ADAMTS3: variants seen among roughly 807,000 people sequenced by gnomAD.
The protein encoded by ADAMTS3 is ADAM metallopeptidase with thrombospondin type 1 motif 3.
Under a neutral mutation model 129.0 loss-of-function variants are expected in ADAMTS3, and 73 were observed. The observed-to-expected ratio is 0.57, with a 90% CI of 0.47 to 0.69. ADAMTS3 has a LOEUF of 0.69. Ranked by LOEUF, ADAMTS3 falls within the 30% of genes least tolerant of loss-of-function variation. ADAMTS3 has a pLI of 0.00. For missense variants in ADAMTS3, 1,457 were observed against 1,514.5 expected (o/e 0.96, Z 0.63); for synonymous variants, 477 against 510.8 (o/e 0.93, Z 0.89).
At chr4:72,470,013 G>A (rs1229762593) in intron 3 of ADAMTS3, among the ~76,000 whole-genome samples, 1 of 152,070 alleles carries the variant, frequency 6.6e-6, no homozygotes, top group Non-Finnish European at 1.5e-5. Context: ...ACTGCATGGG[G>A]GTTGGTTGCC....
chr4:72,450,897 A>AAAGAGGAGG (rs1371805974), intron 3 of ADAMTS3, among the ~76,000 whole-genome samples: 1 of 149,870 alleles, frequency 6.7e-6, no homozygotes. Context: ...GGAGCAATAG[A>AAAGAGGAGG]AAGAGGAGGA....
chr4:72,417,365 T>C (rs1722331174), intron 3 of ADAMTS3, among the ~76,000 whole-genome samples: 1 of 152,190 alleles, frequency 6.6e-6, no homozygotes, highest in South Asian at 2.1e-4. Flanking sequence ...GATTAGCCCA[T>C]GGGTCTTTTG....
chr4:72,567,790 T>C (rs1211930128), intron 1 of ADAMTS3, among the ~76,000 whole-genome samples: 1 of 152,194 alleles, frequency 6.6e-6, no homozygotes, highest in Middle Eastern at 3.2e-3. Context: ...AACTAGACAA[T>C]TCTCTACTTT....
In ADAMTS3 at chr4:72,375,133, T is replaced by A. The variant is rs531343052; in HGVS notation, c.662-35440A>T. ...TTCCTCCATTCCATTTCTAGCATTA[T>A]CTCACCCTTCAGGCTTTATGCGAGG... On this transcript the variant is annotated intron_variant, in intron 4 of 21. Coordinates refer to ENST00000286657, the MANE Select transcript of ADAMTS3 (RefSeq NM_014243.3). Among the ~76,000 whole-genome samples the A allele has an allele frequency of 3.3e-5, 5 of 152,290 alleles. No homozygotes were observed. In the South Asian group the frequency reaches 1.0e-3, roughly 32 times the overall value.
Position 72,311,122 on chromosome 4 carries a change from T to C in ADAMTS3, c.1981A>G (p.Lys661Glu). 2 of 1,612,718 alleles carry C rather than the reference T, an allele frequency of 1.2e-6. No homozygotes were observed. ...TGCGTTCCATCATGCACCAGTTGTT[T>C]CATGTAAGCAACATCTCCAGTCTCC... ...SKETGDVAYM[K>E]QLVHDGTHCS... The change falls in exon 14 of 22, where the codon AAA becomes GAA. Residue 661 changes from lysine (K) to glutamate (E), a missense_variant. Transcript: ENST00000286657.
At chr4:72,544,325 C>T (rs1721412530) in intron 3 of ADAMTS3, among the ~76,000 whole-genome samples, 1 of 152,014 alleles carries the variant, frequency 6.6e-6, no homozygotes. Flanking sequence ...GTAAAGTCTC[C>T]CTTTTAAATT....
chr4:72,392,704 A>G (rs1164786725), intron 4 of ADAMTS3, among the ~76,000 whole-genome samples: 1 of 152,186 alleles, frequency 6.6e-6, no homozygotes, highest in Admixed American at 6.5e-5. Context: ...GGAAAAGAAT[A>G]GAAGAGAAGC....
chr4:72,527,941 G>T (rs1161905735), intron 3 of ADAMTS3, among the ~76,000 whole-genome samples: 1 of 152,126 alleles, frequency 6.6e-6, no homozygotes, highest in East Asian at 1.9e-4. Context: ...TAACTCATCA[G>T]AGCACCTACC....
chr4:72,456,549 C>A (rs1333515925), intron 3 of ADAMTS3, among the ~76,000 whole-genome samples: 1 of 150,612 alleles, frequency 6.6e-6, no homozygotes, highest in Non-Finnish European at 1.5e-5. Context: ...TGTGAATGAG[C>A]TGTTTAAATA....
intron 4 of ADAMTS3, among the ~76,000 whole-genome samples, chr4:72,392,824 CTTTTAG>C (rs1430103479): frequency 2.0e-5 from 3 of 151,672 alleles, no homozygotes; most frequent in Non-Finnish European, 2.9e-5. Flanking sequence ...AAATAGCTGA[CTTTTAG>C]TTTTAGGAGG....
At chr4:72,496,359 G>C (rs921191679) in intron 3 of ADAMTS3, among the ~76,000 whole-genome samples, 1 of 152,170 alleles carries the variant, frequency 6.6e-6, no homozygotes, top group Non-Finnish European at 1.5e-5. Context: ...TGTTTTACCA[G>C]TGTAAAATAA....
intron 2 of ADAMTS3, among the ~76,000 whole-genome samples, chr4:72,563,307 A>T (rs1368802142): frequency 6.6e-6 from 1 of 152,192 alleles, no homozygotes; most frequent in Non-Finnish European, 1.5e-5. Flanking sequence ...AGCCAACTCC[A>T]TTACCTTTAG....
chr4:72,460,154 AC>A (rs1718727239), intron 3 of ADAMTS3, among the ~76,000 whole-genome samples: 1 of 151,448 alleles, frequency 6.6e-6, no homozygotes, highest in African/African-American at 2.4e-5. Context: ...CACTTTTTTT[AC>A]CGGTCATTAG....
intron 4 of ADAMTS3, among the ~76,000 whole-genome samples, chr4:72,356,389 T>C (rs990354845): frequency 5.9e-5 from 9 of 151,930 alleles, no homozygotes; most frequent in Non-Finnish European, 1.0e-4. Flanking sequence ...TTCTATTCTA[T>C]CTCATATATA....
intron 3 of ADAMTS3, among the ~76,000 whole-genome samples, chr4:72,446,428 T>C (rs993307413): frequency 4.6e-5 from 7 of 151,614 alleles, no homozygotes; most frequent in Non-Finnish European, 1.0e-4. Flanking sequence ...AGAGATCATT[T>C]CCTCAAATCA....
chr4:72,453,995 T>G (rs567486070), intron 3 of ADAMTS3, among the ~76,000 whole-genome samples: 4 of 150,984 alleles, frequency 2.6e-5, no homozygotes, highest in Non-Finnish European at 5.9e-5. Context: ...GGATAGATTT[T>G]GACTGTAGAT....
At chr4:72,553,802 G>A (rs1346651233) in intron 2 of ADAMTS3, among the ~76,000 whole-genome samples, 1 of 152,192 alleles carries the variant, frequency 6.6e-6, no homozygotes, top group East Asian at 1.9e-4. Flanking sequence ...CAGGCACAGG[G>A]TGGAGTATTA....
At chr4:72,444,653 T>G (rs1415473804) in intron 3 of ADAMTS3, among the ~76,000 whole-genome samples, 2 of 151,782 alleles carry the variant, frequency 1.3e-5, no homozygotes, top group African/African-American at 4.8e-5. Flanking sequence ...AATGTCATAC[T>G]TAAATGCTAG....
chr4:72,455,134 CTGAGT>C (rs1718508469), intron 3 of ADAMTS3, among the ~76,000 whole-genome samples: 1 of 151,500 alleles, frequency 6.6e-6, no homozygotes, highest in African/African-American at 2.4e-5. Context: ...AGAAGAAAAA[CTGAGT>C]TAACTTTTTA....
Sources: allele counts gnomAD v4.1 joint callset (sites outside exome capture counted in the v4.1 genomes callset), GRCh38; gene constraint gnomAD v4.1.1; transcripts MANE v1.5; gene names NCBI Gene and HGNC (gene_info 2026-07-23, HGNC 2026-07-21).